RAB3GAP1: variants seen among roughly 807,000 people sequenced by gnomAD.
The protein encoded by RAB3GAP1 is rab3 GTPase-activating protein catalytic subunit.
RAB3GAP1 carries 86 observed loss-of-function variants against 130.7 expected under a neutral mutation model. That is an observed-to-expected ratio of 0.66 (90% CI 0.55 to 0.79). The LOEUF (loss-of-function observed/expected upper bound fraction) is 0.79, where lower values mean the gene tolerates loss of function less well. Among genes scored for constraint, RAB3GAP1 ranks in the 30% least tolerant of loss-of-function variants. RAB3GAP1 has a pLI of 0.00. For synonymous variants in RAB3GAP1, 367 were observed against 401.7 expected (o/e 0.91, Z 1.03); for missense variants, 1,029 against 1,169.4 (o/e 0.88, Z 1.75).
intron 6 of RAB3GAP1, among the ~76,000 whole-genome samples, chr2:135,114,548 C>G (rs1690909881): frequency 6.6e-6 from 1 of 152,216 alleles, no homozygotes; most frequent in African/African-American, 2.4e-5. Context: ...AATTCCTCAT[C>G]TGTTTCTCCT....
chr2:135,159,547 A>G (rs1482485060), intron 19 of RAB3GAP1, among the ~76,000 whole-genome samples: 1 of 152,248 alleles, frequency 6.6e-6, no homozygotes, highest in Non-Finnish European at 1.5e-5. Flanking sequence ...CAAGGTCAGT[A>G]AAAACAATGA....
chr2:135,123,898 GAATATTTCAGAAGGGCAAAATTTAGAA>G (rs1433286783), intron 8 of RAB3GAP1, among the ~76,000 whole-genome samples: 1 of 152,060 alleles, frequency 6.6e-6, no homozygotes, highest in Non-Finnish European at 1.5e-5. Context: ...AATATTTAAG[GAATATTTCAGAAGGGCAAAATTTAGAA>G]TACCTGGCCT....
At chr2:135,089,449 A>G (rs1304103322) in intron 3 of RAB3GAP1, among the ~76,000 whole-genome samples, 1 of 152,178 alleles carries the variant, frequency 6.6e-6, no homozygotes, top group South Asian at 2.1e-4. Context: ...TAATGGGGAT[A>G]GCATTGAATC....
Position 135,150,444 on chromosome 2 carries a change from G to C in RAB3GAP1, c.1999G>C (p.Gly667Arg). The C allele has an allele frequency of 6.2e-7, 1 of 1,614,192 alleles. No individual in the cohort carries two copies. Among genetic ancestry groups the C allele is most frequent in the Non-Finnish European group, 8.5e-7 (1 of 1,180,040 alleles). Residue 667 changes from glycine (G) to arginine (R), a missense_variant, in exon 18 of 24, where the codon GGG (glycine) becomes CGG (arginine). By Grantham distance (125) the Gly-to-Arg change is moderately radical. This residue lies in a region of RAB3GAP1 where 373 missense variants were observed against 493.6 expected (regional missense o/e 0.76). Transcript: ENST00000264158. The stretch of plus-strand genomic sequence containing the variant: ...AGCTAAATTAGGTACATCGGCAGAG[G>C]GGGCTCACCTTCGAGCACGCATGCA... ...VLAKLGTSAE[G>R]AHLRARMQSA... is the part of the protein sequence containing the mutation.
At position 135,162,562 on chromosome 2, in the gene RAB3GAP1, A is replaced by C. The variant is rs778165436; in HGVS notation, c.2297A>C (p.His766Pro). The C allele has an allele frequency of 6.8e-6, 11 of 1,613,572 alleles. No individual in the cohort carries two copies. In the East Asian group the frequency reaches 2.5e-4, roughly 36 times the overall value. Residue 766 changes from histidine to proline, a missense_variant, in exon 20 of 24, where the codon CAC becomes CCC. By Grantham distance (77) the His-to-Pro change is moderately conservative (BLOSUM62 -2). Around this residue, in one of 3 missense-constraint regions of RAB3GAP1, gnomAD observed 373 missense variants for 493.6 expected, o/e 0.76. Transcript: ENST00000264158. ...GCGCTGCACCTCCTTCAGGTGCTGC[A>C]CTATCTGGCAATCCAGAAACCTGCA... ...DDTREAEKVLHYLAIQKPADL... is the reference protein window; with the variant it reads ...DDTREAEKVLPYLAIQKPADL...
At position 135,093,713 on chromosome 2, in the gene RAB3GAP1, A is replaced by G. The variant is rs760652698; in HGVS notation, c.362+20A>G. The G allele has an allele frequency of 6.5e-5, 100 of 1,548,898 alleles. No homozygotes were observed. The highest frequency in any genetic ancestry group is 8.6e-5 in the Non-Finnish European group (96 of 1,120,666). ...AAGATGGTAGGTATATCTTTTACTCAGTATCTTTTAGTATGTGTGTTGCGG... is the reference window on the plus strand; with the variant it reads ...AAGATGGTAGGTATATCTTTTACTCGGTATCTTTTAGTATGTGTGTTGCGG... On this transcript the variant is annotated intron_variant, in intron 5 of 23. Transcript: ENST00000264158.
intron 7 of RAB3GAP1, among the ~76,000 whole-genome samples, chr2:135,117,477 T>G (rs1391044494): frequency 2.9e-4 from 42 of 145,514 alleles, no homozygotes; most frequent in African/African-American, 5.1e-4. Flanking sequence ...TGCTTCTGCT[T>G]CTTCTGCTTC....
chr2:135,142,646 T>A (rs1573592145), intron 17 of RAB3GAP1, among the ~76,000 whole-genome samples: 1 of 152,152 alleles, frequency 6.6e-6, no homozygotes, highest in Admixed American at 6.5e-5. Flanking sequence ...ATATCACTTA[T>A]CATATTAAGG....
chr2:135,074,500 C>T (rs191266949), intron 3 of RAB3GAP1, among the ~76,000 whole-genome samples: 10 of 152,346 alleles, frequency 6.6e-5, no homozygotes, highest in East Asian at 1.9e-4. Context: ...AACTCTTACC[C>T]GATTGGGTGG....
At chr2:135,131,224 T>A (rs1691528115) in intron 13 of RAB3GAP1, among the ~76,000 whole-genome samples, 1 of 152,104 alleles carries the variant, frequency 6.6e-6, no homozygotes. Context: ...TTATTTTTTA[T>A]TTTATTTATT....
intron 17 of RAB3GAP1, among the ~76,000 whole-genome samples, chr2:135,146,990 A>G (rs1201818609): frequency 6.6e-6 from 1 of 151,830 alleles, no homozygotes. Flanking sequence ...ACACACACAC[A>G]CACACACACG....
chr2:135,163,457 A>G (rs1191912794), intron 22 of RAB3GAP1, among the ~76,000 whole-genome samples: 1 of 152,172 alleles, frequency 6.6e-6, no homozygotes. Flanking sequence ...CTATTCCTTG[A>G]CCACAGGGTG....
At chr2:135,106,656 C>T (rs143180312) in intron 5 of RAB3GAP1, among the ~76,000 whole-genome samples, 1 of 151,716 alleles carries the variant, frequency 6.6e-6, no homozygotes, top group African/African-American at 2.4e-5. Flanking sequence ...ACCAGAGACC[C>T]TTGTTCACTT....
At chr2:135,077,843 A>G (rs761954612) in intron 3 of RAB3GAP1, among the ~76,000 whole-genome samples, 7 of 152,130 alleles carry the variant, frequency 4.6e-5, no homozygotes, top group Non-Finnish European at 8.8e-5. Context: ...CTATTTGTCT[A>G]TGTTCTTTGG....
intron 5 of RAB3GAP1, among the ~76,000 whole-genome samples, chr2:135,100,107 C>T (rs1181999463): frequency 1.3e-5 from 2 of 152,040 alleles, no homozygotes; most frequent in African/African-American, 4.8e-5. Context: ...TGGATGCATG[C>T]CAGAGACCAC....
intron 5 of RAB3GAP1, among the ~76,000 whole-genome samples, chr2:135,094,913 A>G (rs778612575): frequency 2.5e-4 from 38 of 152,204 alleles, no homozygotes; most frequent in Admixed American, 6.5e-5. Flanking sequence ...TATATTGTGT[A>G]TATGTACCAC....
intron 5 of RAB3GAP1, among the ~76,000 whole-genome samples, chr2:135,102,671 A>G (rs1375429808): frequency 6.6e-6 from 1 of 152,164 alleles, no homozygotes; most frequent in Non-Finnish European, 1.5e-5. Context: ...ACAGTCCACA[A>G]ATAATCTTGT....
Position 135,162,981 on chromosome 2 carries a change from G to A in RAB3GAP1, c.2491-5G>A, listed in dbSNP as rs530102181. ...AATGTATGCCTCTTCCTTTTCTACC[G>A]CCAGGAAATCATTCACCAGATTACT... On this transcript the variant is annotated splice_region_variant and splice_polypyrimidine_tract_variant and intron_variant, in intron 21 of 23. Transcript: ENST00000264158. 40 of 1,609,416 alleles carry A rather than the reference G, an allele frequency of 2.5e-5. No homozygotes were observed. The highest frequency in any genetic ancestry group is 6.7e-5 in the East Asian group (3 of 44,856).
intron 7 of RAB3GAP1, among the ~76,000 whole-genome samples, chr2:135,117,591 T>G (rs188528374): frequency 2.1e-4 from 12 of 58,384 alleles, no homozygotes; most frequent in South Asian, 5.9e-4. Context: ...TGCTTCTTCT[T>G]CTGCTGCTTC....
Sources: gnomAD v4.1 joint callset for allele counts (sites outside exome capture counted in the v4.1 genomes callset) on GRCh38, gnomAD v4.1.1 for gene constraint, gnomAD v4.1.1 regional missense constraint, MANE v1.5 for transcripts, NCBI Gene and HGNC (gene_info 2026-07-23, HGNC 2026-07-21) for gene names.